SEMA3D: variants seen among roughly 807,000 people sequenced by gnomAD.
SEMA3D encodes the protein semaphorin 3D, also known as semaphorin-3D.
A neutral mutation model predicts 100.1 loss-of-function variants in SEMA3D; 84 were observed. The observed-to-expected ratio is 0.84, with a 90% CI of 0.70 to 1.01. SEMA3D has a LOEUF of 1.01. Among genes scored for constraint, SEMA3D ranks in the 50% least tolerant of loss-of-function variants. SEMA3D has a pLI of 0.00. For missense variants in SEMA3D, 875 were observed against 934.1 expected, an observed-to-expected ratio of 0.94 and a Z score of 0.82; for synonymous variants, 312 against 320.7, an observed-to-expected ratio of 0.97 and a Z score of 0.29.
intron 1 of SEMA3D, among the ~76,000 whole-genome samples, chr7:85,164,009 T>C (rs906845648): frequency 2.0e-5 from 3 of 152,174 alleles, no homozygotes; most frequent in African/African-American, 7.2e-5. Flanking sequence ...ATGTTTACTA[T>C]GAAATAAACT....
At chr7:85,009,138 A>G (rs1253345155) in intron 17 of SEMA3D, among the ~76,000 whole-genome samples, 1 of 151,756 alleles carries the variant, frequency 6.6e-6, no homozygotes, top group African/African-American at 2.4e-5. Context: ...TAGTTAAAAT[A>G]GCTTCTTATT....
chr7:85,246,898 C>G, the SEMA3D span, among the ~76,000 whole-genome samples: 1 of 148,628 alleles, frequency 6.7e-6, no homozygotes, highest in African/African-American at 2.5e-5. Context: ...AAATTTGATA[C>G]AATATAACAG....
At chr7:85,074,895 C>T (rs561429511) in intron 5 of SEMA3D, among the ~76,000 whole-genome samples, 52 of 152,082 alleles carry the variant, frequency 3.4e-4, no homozygotes, top group Non-Finnish European at 7.1e-4. Flanking sequence ...GCTAGGATTA[C>T]AGGCATGAGC....
intron 3 of SEMA3D, among the ~76,000 whole-genome samples, chr7:85,103,482 G>A (rs1788811624): frequency 6.6e-6 from 1 of 151,920 alleles, no homozygotes; most frequent in African/African-American, 2.4e-5. Context: ...TGAGTGTGTT[G>A]CTTCACACGT....
chr7:85,000,036 T>C (rs1034845909), intron 18 of SEMA3D, among the ~76,000 whole-genome samples, 171 bp from the exon 19 acceptor site: 8 of 152,072 alleles, frequency 5.3e-5, no homozygotes. Flanking sequence ...AGTAAAAAAA[T>C]TCAACAAAAG....
At chr7:85,196,057 C>A in the SEMA3D span, among the ~76,000 whole-genome samples, 1 of 151,996 alleles carries the variant, frequency 6.6e-6, no homozygotes, top group Admixed American at 6.6e-5. Context: ...ACCAAAGATG[C>A]TATTTAAAAT....
chr7:85,029,954 G>C (rs748063711), intron 12 of SEMA3D, among the ~76,000 whole-genome samples: 8 of 151,736 alleles, frequency 5.3e-5, no homozygotes, highest in Non-Finnish European at 8.8e-5. Context: ...TTAAACAAAA[G>C]AAAACTAACC....
At chr7:85,090,624 G>A (rs2116279075) in intron 4 of SEMA3D, among the ~76,000 whole-genome samples, 1 of 152,218 alleles carries the variant, frequency 6.6e-6, no homozygotes, top group South Asian at 2.1e-4. Context: ...TTCCCACTAT[G>A]TAATAGACTT....
chr7:85,107,096 A>G (rs1788949116), intron 3 of SEMA3D, among the ~76,000 whole-genome samples: 1 of 152,002 alleles, frequency 6.6e-6, no homozygotes, highest in Non-Finnish European at 1.5e-5. Context: ...ATTTAAAATA[A>G]TTTGCCAGAA....
the SEMA3D span, among the ~76,000 whole-genome samples, chr7:85,202,393 AT>A: frequency 6.6e-6 from 1 of 151,864 alleles, no homozygotes; most frequent in Admixed American, 6.6e-5. Flanking sequence ...TGAACTCATC[AT>A]TTTTTATGGC....
At chr7:85,074,634 TATA>T (rs1791871026) in intron 5 of SEMA3D, among the ~76,000 whole-genome samples, 1 of 148,782 alleles carries the variant, frequency 6.7e-6, no homozygotes, top group East Asian at 1.9e-4. Context: ...TATATATATA[TATA>T]TTTTTTTTTT....
chr7:85,042,797 C>T (rs1286415970), intron 9 of SEMA3D, among the ~76,000 whole-genome samples: 2 of 152,174 alleles, frequency 1.3e-5, no homozygotes, highest in Non-Finnish European at 2.9e-5. Context: ...CATTAGCCTC[C>T]TAAGTAGCTG....
chr7:85,177,426 T>C (rs977523052), intron 1 of SEMA3D, among the ~76,000 whole-genome samples: 1 of 152,136 alleles, frequency 6.6e-6, no homozygotes, highest in Non-Finnish European at 1.5e-5. Flanking sequence ...GTAGATGTTA[T>C]TGAGATTGAA....
chr7:85,249,167 A>G, the SEMA3D span, among the ~76,000 whole-genome samples: 11 of 152,266 alleles, frequency 7.2e-5, no homozygotes, highest in Middle Eastern at 6.8e-3. Flanking sequence ...GTGTTCTAAA[A>G]ACAAACAAAC....
intron 3 of SEMA3D, among the ~76,000 whole-genome samples, chr7:85,101,184 A>G (rs534989897): frequency 2.6e-4 from 39 of 152,156 alleles, no homozygotes; most frequent in African/African-American, 8.7e-4. Context: ...TATTTCAATC[A>G]GGCAATTCTA....
At chr7:85,063,102 T>A (rs2116128512) in intron 8 of SEMA3D, among the ~76,000 whole-genome samples, 1 of 152,308 alleles carries the variant, frequency 6.6e-6, no homozygotes, top group Non-Finnish European at 1.5e-5. Flanking sequence ...CCGATATGAT[T>A]TAATTTTATC....
chr7:85,148,346 G>A lies in SEMA3D; in HGVS notation c.-41+5262C>T, dbSNP rs144363530. ...GACTTGTTTTAGTGTTCTGTTTTGA[G>A]CTTTCAGTGTGGACACTGATGGCAC... On this transcript the variant is annotated intron_variant, in intron 2 of 18. Coordinates refer to ENST00000284136, the MANE Select transcript of SEMA3D (RefSeq NM_001384900.1). Among the ~76,000 whole-genome samples the A allele has an allele frequency of 1.4e-4, 21 of 152,142 alleles. No individual in the cohort carries two copies. The East Asian group carries it at 3.3e-3, about 24-fold the overall frequency.
chr7:85,202,034 C>G, the SEMA3D span, among the ~76,000 whole-genome samples: 1 of 151,432 alleles, frequency 6.6e-6, no homozygotes, highest in Middle Eastern at 3.4e-3. Flanking sequence ...CTCTCTCTCT[C>G]TTTTTATTTA....
intron 2 of SEMA3D, among the ~76,000 whole-genome samples, chr7:85,150,057 A>C (rs1359834406): frequency 3.9e-5 from 6 of 152,050 alleles, no homozygotes; most frequent in African/African-American, 1.4e-4. Context: ...ATCTGATTCC[A>C]AGGTTTGAGA....
Sources: gnomAD v4.1 joint callset for allele counts (sites outside exome capture counted in the v4.1 genomes callset) on GRCh38, gnomAD v4.1.1 for gene constraint, MANE v1.5 for transcripts, NCBI Gene and HGNC (gene_info 2026-07-23, HGNC 2026-07-21) for gene names.